GALNT13: variants seen among roughly 807,000 people sequenced by gnomAD.
GALNT13 encodes the protein polypeptide N-acetylgalactosaminyltransferase 13, also known as UDP-GalNAc:polypeptide N-acetylgalactosaminyltransferase 13.
GALNT13 carries 28 observed loss-of-function variants against 64.2 expected under a neutral mutation model. The ratio of observed to expected loss-of-function variants is 0.44; its 90% confidence interval spans 0.32 to 0.60. The LOEUF is 0.60. Among genes scored for constraint, GALNT13 ranks in the 20% least tolerant of loss-of-function variants. GALNT13 has a pLI of 0.05. For synonymous variants in GALNT13, 214 were observed against 224.6 expected (o/e 0.95, Z 0.42); for missense variants, 577 against 669.8 (o/e 0.86, Z 1.53).
chr2:153,177,480 A>C, the GALNT13 span, among the ~76,000 whole-genome samples: 8 of 152,140 alleles, frequency 5.3e-5, no homozygotes, highest in African/African-American at 1.7e-4. Context: ...CCAAAGGTAG[A>C]TGGATTAATA....
chr2:153,290,114 A>G, the GALNT13 span, among the ~76,000 whole-genome samples: 2 of 152,054 alleles, frequency 1.3e-5, no homozygotes, highest in African/African-American at 4.8e-5. Context: ...AAGTCACCTT[A>G]CTCTCTATGC....
the GALNT13 span, among the ~76,000 whole-genome samples, chr2:153,220,325 C>T: frequency 4.6e-5 from 7 of 152,208 alleles, no homozygotes; most frequent in African/African-American, 7.2e-5. Flanking sequence ...AGTTTCCCAA[C>T]AGATAAATAC....
intron 3 of GALNT13, among the ~76,000 whole-genome samples, chr2:154,066,368 A>C (rs562194042): frequency 6.6e-6 from 1 of 152,294 alleles, no homozygotes; most frequent in African/African-American, 2.4e-5. Flanking sequence ...TCAGTATTCA[A>C]GTACAAAAAG....
chr2:153,865,447 C>T, the GALNT13 span, among the ~76,000 whole-genome samples: 1 of 144,446 alleles, frequency 6.9e-6, no homozygotes, highest in Non-Finnish European at 1.5e-5. Context: ...CTACAATGAA[C>T]TCAAACAAAT....
the GALNT13 span, among the ~76,000 whole-genome samples, chr2:153,449,480 C>T: frequency 6.6e-6 from 1 of 152,310 alleles, no homozygotes; most frequent in South Asian, 2.1e-4. Flanking sequence ...GTGGAAAGCG[C>T]TCCCTTCCAT....
chr2:153,281,850 G>T, the GALNT13 span, among the ~76,000 whole-genome samples: 1 of 146,656 alleles, frequency 6.8e-6, no homozygotes, highest in South Asian at 2.2e-4. Flanking sequence ...GTTTGACTTT[G>T]GACAGTCTGG....
chr2:153,185,483 T>A, the GALNT13 span, among the ~76,000 whole-genome samples: 2 of 152,230 alleles, frequency 1.3e-5, no homozygotes, highest in African/African-American at 4.8e-5. Flanking sequence ...TTTAGTTATG[T>A]CTTGTCCTCT....
chr2:153,207,564 C>A, the GALNT13 span, among the ~76,000 whole-genome samples: 1 of 152,036 alleles, frequency 6.6e-6, no homozygotes, highest in Non-Finnish European at 1.5e-5. Context: ...GATAAACTTC[C>A]TTTCATCTAC....
chr2:153,574,205 A>C, the GALNT13 span, among the ~76,000 whole-genome samples: 8 of 151,866 alleles, frequency 5.3e-5, no homozygotes. Flanking sequence ...TTCCACTGAA[A>C]AGTATTTTTC....
the GALNT13 span, among the ~76,000 whole-genome samples, chr2:153,453,714 C>A: frequency 6.6e-6 from 1 of 152,140 alleles, no homozygotes; most frequent in Admixed American, 6.6e-5. Flanking sequence ...TTGGAGACTT[C>A]CCAAAGAACT....
At chr2:154,166,422 A>G (rs936854518) in intron 4 of GALNT13, among the ~76,000 whole-genome samples, 13 of 152,326 alleles carry the variant, frequency 8.5e-5, no homozygotes, top group South Asian at 2.1e-4. Flanking sequence ...CAAAACCACA[A>G]TGAGATACCA....
chr2:153,132,920 G>A, the GALNT13 span, among the ~76,000 whole-genome samples: 20 of 151,792 alleles, frequency 1.3e-4, no homozygotes, highest in Non-Finnish European at 2.2e-4. Context: ...ACAGGATTTC[G>A]CCATGTTACC....
At chr2:153,481,073 A>T in the GALNT13 span, among the ~76,000 whole-genome samples, 1 of 152,210 alleles carries the variant, frequency 6.6e-6, no homozygotes, top group Non-Finnish European at 1.5e-5. Flanking sequence ...AGGTTTAAGG[A>T]CTAATTAGTC....
At chr2:154,146,185 T>C (rs984999723) in intron 4 of GALNT13, among the ~76,000 whole-genome samples, 1 of 151,552 alleles carries the variant, frequency 6.6e-6, no homozygotes, top group Non-Finnish European at 1.5e-5. Flanking sequence ...TACACACACA[T>C]ATATACATAC....
chr2:153,851,677 A>G, the GALNT13 span, among the ~76,000 whole-genome samples: 1 of 152,174 alleles, frequency 6.6e-6, no homozygotes, highest in Admixed American at 6.5e-5. Flanking sequence ...AGCCTGTATG[A>G]CAGAGCAAGA....
chr2:153,347,358 C>T, the GALNT13 span, among the ~76,000 whole-genome samples: 3 of 152,322 alleles, frequency 2.0e-5, no homozygotes, highest in South Asian at 2.1e-4. Flanking sequence ...TATACCTGCA[C>T]TGAGGCTCCA....
At chr2:153,607,730 TTAA>T in the GALNT13 span, among the ~76,000 whole-genome samples, 2 of 152,266 alleles carry the variant, frequency 1.3e-5, no homozygotes, top group East Asian at 3.9e-4. Flanking sequence ...TTTTTTAAAC[TTAA>T]TAAACTCAGC....
chr2:153,306,597 A>C, the GALNT13 span, among the ~76,000 whole-genome samples: 1 of 152,218 alleles, frequency 6.6e-6, no homozygotes, highest in African/African-American at 2.4e-5. Flanking sequence ...AAAATTTGCA[A>C]CTGCATTTAA....
At position 154,000,846 on chromosome 2, in the gene GALNT13, G is replaced by A. The variant is rs536239053; in HGVS notation, c.142+56207G>A. 4.6e-5 allele frequency among the ~76,000 whole-genome samples: 7 copies of A among 152,036 alleles called. No homozygotes were observed. In the South Asian group the frequency reaches 1.5e-3, roughly 32 times the overall value. ...AGTTTAACTGCAGTGTTTCTTTGTT[G>A]ATTTTCTACCTGAATGATCTTTACA... On this transcript the variant is annotated intron_variant, in intron 3 of 12. Transcript: ENST00000392825.
Sources: allele counts gnomAD v4.1 joint callset (sites outside exome capture counted in the v4.1 genomes callset), GRCh38; gene constraint gnomAD v4.1.1; transcripts MANE v1.5; gene names NCBI Gene and HGNC (gene_info 2026-07-23, HGNC 2026-07-21).